Variants in ANKRD30BL observed in about 807,000 individuals in gnomAD.
The protein encoded by ANKRD30BL is putative ankyrin repeat domain-containing protein 30B-like.
A neutral mutation model predicts 18.4 loss-of-function variants in ANKRD30BL; 20 were observed. The observed-to-expected ratio is 1.09, with a 90% CI of 0.77 to 1.58. ANKRD30BL has a LOEUF of 1.58. ANKRD30BL is among the 40% of genes most tolerant of loss of function. The pLI is 0.00. For missense variants in ANKRD30BL, 224 were observed against 268.6 expected (o/e 0.83, Z 1.16); for synonymous variants, 72 against 100.9 (o/e 0.71, Z 1.72).
At chr2:132,234,630 A>G (rs1421204549) in intron 1 of ANKRD30BL, among the ~76,000 whole-genome samples, 1 of 152,178 alleles carries the variant, frequency 6.6e-6, no homozygotes, top group Non-Finnish European at 1.5e-5. Context: ...TCCCAAGACT[A>G]AAACAGGAAG....
chr2:132,158,081 G>A (rs1196971690), intron 1 of ANKRD30BL, among the ~76,000 whole-genome samples: 1 of 152,044 alleles, frequency 6.6e-6, no homozygotes, highest in Non-Finnish European at 1.5e-5. Context: ...CATAAATAAG[G>A]AGGCATCACA....
At chr2:132,226,404 C>A (rs1184372952) in intron 1 of ANKRD30BL, among the ~76,000 whole-genome samples, 1 of 150,344 alleles carries the variant, frequency 6.7e-6, no homozygotes, top group Non-Finnish European at 1.5e-5. Flanking sequence ...GTGATGTGTG[C>A]ATTCTTCTCA....
intron 1 of ANKRD30BL, among the ~76,000 whole-genome samples, chr2:132,231,761 G>A (rs1680023109): frequency 1.3e-5 from 2 of 152,332 alleles, no homozygotes; most frequent in East Asian, 1.9e-4. Context: ...GAGGCTGGGG[G>A]AGGGGCACCC....
chr2:132,228,301 G>A lies in ANKRD30BL; in HGVS notation n.441+29228C>T, dbSNP rs1679901414. ...CAGAAGAATTCGGAGAAGCTTCTTT[G>A]GATGCATGCGTTTATCTCACAGAGT... On this transcript the variant is annotated intron_variant and non_coding_transcript_variant, in intron 1 of 4. Transcript: ENST00000470729. 4.0e-5 allele frequency among the ~76,000 whole-genome samples: 6 copies of A among 151,252 alleles called. No homozygotes were observed. The South Asian group carries it at 1.3e-3, about 32-fold the overall frequency.
At chr2:132,236,625 A>G (rs1166344080) in intron 1 of ANKRD30BL, among the ~76,000 whole-genome samples, 1 of 152,134 alleles carries the variant, frequency 6.6e-6, no homozygotes, top group Non-Finnish European at 1.5e-5. Context: ...AGAGGAAACA[A>G]CACATGCTGG....
chr2:132,160,231 A>G (rs922978024), intron 1 of ANKRD30BL, among the ~76,000 whole-genome samples: 1 of 151,886 alleles, frequency 6.6e-6, no homozygotes, highest in African/African-American at 2.4e-5. Flanking sequence ...CCTCCCGAGT[A>G]GATGGGCTTA....
intron 1 of ANKRD30BL, among the ~76,000 whole-genome samples, chr2:132,236,586 C>A (rs1267920289): frequency 6.6e-6 from 1 of 152,160 alleles, no homozygotes; most frequent in East Asian, 1.9e-4. Flanking sequence ...TACCATCTCA[C>A]ACCAGTTAGA....
At chr2:132,227,561 T>C (rs1182949037) in intron 1 of ANKRD30BL, among the ~76,000 whole-genome samples, 1 of 151,806 alleles carries the variant, frequency 6.6e-6, no homozygotes, top group Non-Finnish European at 1.5e-5. Context: ...ACATAAAATC[T>C]AGACAGCAGC....
chr2:132,207,637 T>C, intron 1 of ANKRD30BL, among the ~76,000 whole-genome samples: 1 of 152,052 alleles, frequency 6.6e-6, no homozygotes, highest in South Asian at 2.1e-4. Context: ...ATGATAGAAA[T>C]AGACTTTCAG....
At chr2:132,173,245 G>T (rs1688311528) in intron 1 of ANKRD30BL, among the ~76,000 whole-genome samples, 1 of 149,642 alleles carries the variant, frequency 6.7e-6, no homozygotes, top group Non-Finnish European at 1.5e-5. Flanking sequence ...TTTATATTTT[G>T]CCTGTGGATA....
intron 1 of ANKRD30BL, among the ~76,000 whole-genome samples, chr2:132,202,990 C>T (rs1013562937): frequency 4.6e-5 from 7 of 152,174 alleles, no homozygotes; most frequent in African/African-American, 1.7e-4. Flanking sequence ...ATTCTCTTAC[C>T]AAATGTGTTA....
At chr2:132,182,242 G>C (rs1688480100) in intron 1 of ANKRD30BL, among the ~76,000 whole-genome samples, 1 of 152,108 alleles carries the variant, frequency 6.6e-6, no homozygotes, top group Non-Finnish European at 1.5e-5. Flanking sequence ...CAGGACTTTT[G>C]GAGGCTGAGA....
At position 132,227,960 on chromosome 2, in the gene ANKRD30BL, T is replaced by C. The variant is rs191493832; in HGVS notation, n.441+29569A>G. Among the ~76,000 whole-genome samples, 169 of 152,280 alleles carry C rather than the reference T, an allele frequency of 1.1e-3. 1 individual carries two copies. Among genetic ancestry groups the C allele is most frequent in the Non-Finnish European group, 1.9e-3 (129 of 68,012 alleles). ...GACAGAAGCAATGTGAGAAACTTCC[T>C]TGGGATGTGTGCATTCATCTCACAG... On this transcript the variant is annotated intron_variant and non_coding_transcript_variant, in intron 1 of 4. Transcript: ENST00000470729.
chr2:132,232,668 A>G (rs1366992289), intron 1 of ANKRD30BL, among the ~76,000 whole-genome samples: 1 of 152,192 alleles, frequency 6.6e-6, no homozygotes, highest in Non-Finnish European at 1.5e-5. Flanking sequence ...AAAGCCTCCA[A>G]GAAATATGGG....
chr2:132,150,767 AG>A (rs1687735680), intron 5 of ANKRD30BL, 144 bp downstream of exon 5: 1 of 318,130 alleles, frequency 3.1e-6, no homozygotes, highest in Admixed American at 5.1e-5. Flanking sequence ...ATTAAATCAA[AG>A]CTTTGTATAT....
chr2:132,178,688 G>T (rs1195753010), intron 1 of ANKRD30BL, among the ~76,000 whole-genome samples: 1 of 151,898 alleles, frequency 6.6e-6, no homozygotes, highest in Admixed American at 6.6e-5. Flanking sequence ...AAGGTTAGTT[G>T]TATCAAAATG....
intron 1 of ANKRD30BL, among the ~76,000 whole-genome samples, chr2:132,159,150 T>C (rs1263249040): frequency 6.6e-6 from 1 of 152,090 alleles, no homozygotes; most frequent in African/African-American, 2.4e-5. Flanking sequence ...TGTGTGTATG[T>C]ATAATCAAAC....
chr2:132,235,541 A>G (rs1306892328), intron 1 of ANKRD30BL, among the ~76,000 whole-genome samples: 4 of 152,118 alleles, frequency 2.6e-5, no homozygotes, highest in Non-Finnish European at 4.4e-5. Context: ...TTATACACCA[A>G]CAACAGACAA....
At chr2:132,205,165 G>A (rs1160271973) in intron 1 of ANKRD30BL, among the ~76,000 whole-genome samples, 4 of 152,046 alleles carry the variant, frequency 2.6e-5, no homozygotes, top group African/African-American at 9.7e-5. Context: ...AATTTTCTAA[G>A]CGTATCATAG....
Sources: allele counts gnomAD v4.1 joint callset (sites outside exome capture counted in the v4.1 genomes callset), GRCh38; gene constraint gnomAD v4.1.1; transcripts MANE v1.5; gene names NCBI Gene and HGNC (gene_info 2026-07-23, HGNC 2026-07-21).